PRKN: variants seen among roughly 807,000 people sequenced by gnomAD.
PRKN encodes the protein parkin RBR E3 ubiquitin protein ligase, also known as E3 ubiquitin-protein ligase parkin.
Under a neutral mutation model 59.5 loss-of-function variants are expected in PRKN, and 56 were observed. That is an observed-to-expected ratio of 0.94 (90% CI 0.76 to 1.18). The LOEUF (loss-of-function observed/expected upper bound fraction) is 1.18, where lower values mean the gene tolerates loss of function less well. PRKN is among the 50% of genes most tolerant of loss of function. The probability of loss-of-function intolerance (pLI) is 0.00; values close to 1 mark genes in which losing one functional copy is unlikely to be tolerated. For missense variants in PRKN, 657 were observed against 596.4 expected (o/e 1.10, Z -1.06); for synonymous variants, 250 against 222.1 (o/e 1.13, Z -1.12).
intron 6 of PRKN, among the ~76,000 whole-genome samples, chr6:161,816,336 T>C (rs1001697065): frequency 6.6e-6 from 1 of 151,778 alleles, no homozygotes; most frequent in Non-Finnish European, 1.5e-5. Flanking sequence ...AGATCAGTGG[T>C]CTCCAGGAGA....
At chr6:162,628,743 C>G (rs1160291441) in intron 1 of PRKN, among the ~76,000 whole-genome samples, 1 of 152,070 alleles carries the variant, frequency 6.6e-6, no homozygotes, top group Non-Finnish European at 1.5e-5. Context: ...TTTTCAAGCA[C>G]TAGCTCAACC....
At chr6:161,894,869 G>A (rs757515757) in intron 6 of PRKN, among the ~76,000 whole-genome samples, 1 of 152,186 alleles carries the variant, frequency 6.6e-6, no homozygotes, top group Non-Finnish European at 1.5e-5. Flanking sequence ...TTTATTTAAT[G>A]AGGATATGAT....
At chr6:162,009,465 C>T (rs989743058) in intron 5 of PRKN, among the ~76,000 whole-genome samples, 3 of 151,776 alleles carry the variant, frequency 2.0e-5, no homozygotes, top group Non-Finnish European at 2.9e-5. Context: ...AAACCACAAC[C>T]GTCAGAATCA....
intron 1 of PRKN, among the ~76,000 whole-genome samples, chr6:162,586,709 A>G (rs1781074062): frequency 6.6e-6 from 1 of 152,208 alleles, no homozygotes; most frequent in Non-Finnish European, 1.5e-5. Flanking sequence ...AAGTAAATGG[A>G]TGACTTTTTC....
chr6:162,593,896 G>C (rs1041162073), intron 1 of PRKN, among the ~76,000 whole-genome samples: 1 of 152,106 alleles, frequency 6.6e-6, no homozygotes, highest in Admixed American at 6.5e-5. Flanking sequence ...CTCACGCCTG[G>C]CCTAACACTT....
intron 2 of PRKN, among the ~76,000 whole-genome samples, chr6:162,331,997 A>G (rs937511652): frequency 1.3e-5 from 2 of 152,160 alleles, no homozygotes; most frequent in African/African-American, 4.8e-5. Context: ...TTCTTGCAAA[A>G]TGCCAGTCTT....
intron 6 of PRKN, among the ~76,000 whole-genome samples, chr6:161,900,903 T>C (rs977212039): frequency 2.4e-5 from 3 of 126,124 alleles, no homozygotes; most frequent in Admixed American, 8.8e-5. Context: ...ATAACACATA[T>C]GTTAAATTGT....
intron 7 of PRKN, among the ~76,000 whole-genome samples, chr6:161,643,761 G>A (rs1049925416): frequency 5.3e-5 from 8 of 151,910 alleles, no homozygotes; most frequent in East Asian, 1.9e-4. Context: ...AATCTCTCTC[G>A]ACCCACTTTT....
intron 6 of PRKN, among the ~76,000 whole-genome samples, chr6:161,821,719 CTTTTTTTTTTTTTTTTTTTTTTTTTT>C (rs531807176): frequency 4.5e-4 from 29 of 64,708 alleles, no homozygotes; most frequent in Admixed American, 7.8e-4. Context: ...CACTGGTGTT[CTTTTTTTTTTTTTTTTTTTTTTTTTT>C]TTTTTTTTTT....
At chr6:162,596,370 G>A (rs530550613) in intron 1 of PRKN, among the ~76,000 whole-genome samples, 318 of 151,994 alleles carry the variant, frequency 2.1e-3, no homozygotes, top group Non-Finnish European at 3.7e-3. Flanking sequence ...TTATTTTCTC[G>A]CTAATCATGT....
intron 1 of PRKN, among the ~76,000 whole-genome samples, chr6:162,452,322 A>G (rs1025456379): frequency 1.3e-5 from 2 of 152,186 alleles, no homozygotes; most frequent in African/African-American, 4.8e-5. Flanking sequence ...TAAAAGCATC[A>G]TAAGTGCTAA....
chr6:162,375,027 T>C (rs1169527275), intron 2 of PRKN, among the ~76,000 whole-genome samples: 1 of 152,146 alleles, frequency 6.6e-6, no homozygotes, highest in Non-Finnish European at 1.5e-5. Flanking sequence ...TCTAGTGTGA[T>C]TTTATTATTA....
Position 161,401,886 on chromosome 6 carries a change from G to A in PRKN, c.1084-15009C>T, listed in dbSNP as rs1399860404. 6.6e-6 allele frequency among the ~76,000 whole-genome samples: 1 copy of A among 152,142 alleles called. No homozygotes were observed. The highest frequency in any genetic ancestry group is 6.5e-5 in the Admixed American group (1 of 15,280). On this transcript the variant is annotated intron_variant, in intron 9 of 11. Coordinates refer to ENST00000366898, the MANE Select transcript of PRKN (RefSeq NM_004562.3). The surrounding 1 kb of genome is among the most constrained non-coding windows in gnomAD (Gnocchi z 4.4). ...GAGAGAGAAGATGAGAGATCCAGAG[G>A]TCTGAGATGTTTGTTCACACACCAA...
intron 7 of PRKN, among the ~76,000 whole-genome samples, chr6:161,771,007 G>A (rs372441710): frequency 6.6e-6 from 1 of 152,040 alleles, no homozygotes; most frequent in Non-Finnish European, 1.5e-5. Flanking sequence ...ATTAATTCCT[G>A]CCGTTTAAGC....
intron 4 of PRKN, among the ~76,000 whole-genome samples, chr6:162,082,291 C>A (rs943901720): frequency 3.9e-5 from 6 of 152,046 alleles, no homozygotes; most frequent in African/African-American, 1.5e-4. Context: ...TCACCTTCTG[C>A]CATGATTATG....
chr6:162,494,076 A>G (rs1246159896), intron 1 of PRKN, among the ~76,000 whole-genome samples: 7 of 152,150 alleles, frequency 4.6e-5, no homozygotes, highest in African/African-American at 1.4e-4. Context: ...AGATGCTGCA[A>G]TGTGCCACTG....
intron 7 of PRKN, among the ~76,000 whole-genome samples, chr6:161,707,762 T>G (rs1472867916): frequency 6.6e-6 from 1 of 152,184 alleles, no homozygotes; most frequent in Non-Finnish European, 1.5e-5. Flanking sequence ...CTAATTCCTG[T>G]GCAATTTGAC....
chr6:161,802,296 A>G (rs1304899467), intron 6 of PRKN, among the ~76,000 whole-genome samples: 1 of 152,002 alleles, frequency 6.6e-6, no homozygotes, highest in Non-Finnish European at 1.5e-5. Context: ...TAAGCCTGCC[A>G]CACTGCCCCT....
intron 2 of PRKN, among the ~76,000 whole-genome samples, chr6:162,321,984 G>A (rs1783043105): frequency 6.6e-6 from 1 of 151,838 alleles, no homozygotes; most frequent in African/African-American, 2.4e-5. Flanking sequence ...CATTATACTG[G>A]AGCTGATAGC....
Sources: gnomAD v4.1 joint callset for allele counts (sites outside exome capture counted in the v4.1 genomes callset) on GRCh38, gnomAD v4.1.1 for gene constraint, Gnocchi (gnomAD v3.1) non-coding constraint, MANE v1.5 for transcripts, NCBI Gene and HGNC (gene_info 2026-07-23, HGNC 2026-07-21) for gene names.